Variants in CACNA1G observed in about 807,000 individuals in gnomAD.
The protein encoded by CACNA1G is voltage-dependent T-type calcium channel subunit alpha-1G.
Under a neutral mutation model 219.4 loss-of-function variants are expected in CACNA1G, and 67 were observed. The ratio of observed to expected loss-of-function variants is 0.31; its 90% CI spans 0.25 to 0.37. The LOEUF (loss-of-function observed/expected upper bound fraction) is 0.37, where lower values mean the gene tolerates loss of function less well. Among genes scored for constraint, CACNA1G ranks in the 10% least tolerant of loss-of-function variants. CACNA1G has a pLI of 1.00. For synonymous variants in CACNA1G, 1,296 were observed against 1,345.3 expected (o/e 0.96, Z 0.80); for missense variants, 2,380 against 3,231.4 (o/e 0.74, Z 6.39).
In CACNA1G at chr17:50,600,993, C is replaced by A. The variant is rs1233714256; in HGVS notation, c.3792-58C>A. On this transcript the variant is annotated intron_variant, in intron 18 of 37. Coordinates refer to ENST00000359106, the MANE Select transcript of CACNA1G (RefSeq NM_018896.5). The surrounding 1 kb of genome is among the most constrained non-coding windows in gnomAD (Gnocchi z 4.1). ...GAGGGGCAGGGGCTGCGGGCGGTGCCTCTCGTTGCCACCTGCCCTGCCTCC... is the reference window on the plus strand; with the variant it reads ...GAGGGGCAGGGGCTGCGGGCGGTGCATCTCGTTGCCACCTGCCCTGCCTCC... 3.8e-6 allele frequency: 6 copies of A among 1,599,282 alleles called. No homozygotes were observed. The highest frequency in any genetic ancestry group is 5.1e-6 in the Non-Finnish European group (6 of 1,171,028).
intron 9 of CACNA1G, among the ~76,000 whole-genome samples, chr17:50,580,760 C>A (rs544126379): frequency 1.3e-5 from 2 of 152,152 alleles, no homozygotes; most frequent in Non-Finnish European, 2.9e-5. Context: ...TGCTGAGGGC[C>A]CCATGGGGGT....
intron 7 of CACNA1G, 57 bp downstream of exon 7, chr17:50,573,170 G>A (rs1348186058): frequency 7.8e-7 from 1 of 1,279,048 alleles, no homozygotes; most frequent in South Asian, 1.3e-5. Flanking sequence ...ACCTGTGGGG[G>A]CAGTCCAGAG....
At position 50,624,043 on chromosome 17, in the gene CACNA1G, A is replaced by T; in HGVS notation, c.6197A>T (p.His2066Leu). 1 of 1,612,332 alleles carries T rather than the reference A, an allele frequency of 6.2e-7. No individual in the cohort carries two copies. The highest frequency in any genetic ancestry group is 1.1e-5 in the South Asian group (1 of 91,048). ...HGSTAEGPLG[H>L]RGWGLPKAQS... Reference sequence around the variant, plus strand: ...AGCACTGCCGAGGGGCCCCTGGGACACAGGGGCTGGGGGCTCCCCAAAGCT... The same window carrying T: ...AGCACTGCCGAGGGGCCCCTGGGACTCAGGGGCTGGGGGCTCCCCAAAGCT... Residue 2066 changes from histidine to leucine, a missense_variant, in exon 36 of 38, where the codon CAC becomes CTC. Coordinates refer to ENST00000359106, the MANE Select transcript of CACNA1G (RefSeq NM_018896.5).
In CACNA1G at chr17:50,623,785, G is replaced by C. The variant is rs565595503; in HGVS notation, c.6061-122G>C. ...CTCATGCCCATCTCTACCTTGTCCT[G>C]GGAGGGCACGGGGGTGAGGGCTGGG... On this transcript the variant is annotated intron_variant, in intron 35 of 37. Transcript: ENST00000359106. 7 of 1,005,890 alleles carry C rather than the reference G, an allele frequency of 7.0e-6. No individual in the cohort carries two copies. In the East Asian group the frequency reaches 1.6e-4, roughly 23 times the overall value. 62.3% of individuals were successfully genotyped at this position (1,005,890 alleles called of 1,614,324 possible).
chr17:50,624,494 C>T lies in CACNA1G; in HGVS notation c.6364C>T (p.Arg2122Cys), dbSNP rs1320478495. ...GTIPKLPPPGRSPLAQRPLRR... is the reference protein window; with the variant it reads ...GTIPKLPPPGCSPLAQRPLRR... ...CATCCCCAAACTGCCCCCACCAGGA[C>T]GCTCCCCTTTGGCTCAGAGGCCACT... Residue 2122 changes from arginine (R) to cysteine (C), a missense_variant, in exon 37 of 38, where the codon CGC (arginine) becomes TGC (cysteine). Transcript: ENST00000359106. 7 of 1,599,666 alleles carry T rather than the reference C, an allele frequency of 4.4e-6. No homozygotes were observed. Among genetic ancestry groups the T allele is most frequent in the South Asian group, 1.1e-5 (1 of 88,052 alleles).
rs1162808816 is a variant in CACNA1G, at chr17:50,617,262, C to T, written c.5022-176C>T. Among the ~76,000 whole-genome samples, 3 of 152,198 alleles carry T rather than the reference C, an allele frequency of 2.0e-5. No homozygotes were observed. The highest frequency in any genetic ancestry group is 4.1e-4 in the South Asian group (2 of 4,830). On this transcript the variant is annotated intron_variant, in intron 28 of 37. Coordinates refer to ENST00000359106, the MANE Select transcript of CACNA1G (RefSeq NM_018896.5). This position sits in a 1 kb window ranked among gnomAD's most constrained non-coding sequence, Gnocchi z 5.8. Reference sequence around the variant, plus strand: ...TTTGAGCTAAAGTCCTAGTCCTACTCGTGCCACCAGTTGGCTGTGTGGCCT... The same window carrying T: ...TTTGAGCTAAAGTCCTAGTCCTACTTGTGCCACCAGTTGGCTGTGTGGCCT...
intron 9 of CACNA1G, among the ~76,000 whole-genome samples, chr17:50,581,181 A>G (rs922820642): frequency 1.3e-5 from 2 of 151,844 alleles, no homozygotes; most frequent in African/African-American, 4.8e-5. Flanking sequence ...GGAGACAGAC[A>G]GAGACAAATG....
chr17:50,580,664 GGCTCCCACTAA>G (rs914324699), intron 9 of CACNA1G, among the ~76,000 whole-genome samples: 1 of 152,146 alleles, frequency 6.6e-6, no homozygotes, highest in African/African-American at 2.4e-5. Flanking sequence ...GACAGCCCAG[GGCTCCCACTAA>G]GTCCTCAGCA....
chr17:50,602,680 T>G, intron 19 of CACNA1G, 140 bp from the exon 20 acceptor site: 6 of 695,784 alleles, frequency 8.6e-6, no homozygotes, highest in Non-Finnish European at 1.5e-5. Context: ...GAGAGGGGCG[T>G]GATCTACATT....
chr17:50,606,921 T>C lies in CACNA1G; in HGVS notation c.4444T>C (p.Leu1482=). ...TCAGGCCCTGATGTCCCTGTTCGTT[T>C]TGGCCTCCAAGGATGGTTGGGTGGA... ...LGQALMSLFV[L]ASKDGWVDIM... Residue 1482 remains leucine, a synonymous_variant, in exon 24 of 38, where the codon TTG becomes CTG. Transcript: ENST00000359106. 6.2e-7 allele frequency: 1 copy of C among 1,613,820 alleles called. No homozygotes were observed. The highest frequency in any genetic ancestry group is 8.5e-7 in the Non-Finnish European group (1 of 1,179,756).
intron 26 of CACNA1G, among the ~76,000 whole-genome samples, chr17:50,613,608 C>T (rs1221855253): frequency 6.6e-6 from 1 of 152,218 alleles, no homozygotes; most frequent in African/African-American, 2.4e-5. Flanking sequence ...ATTGTCTCAG[C>T]TAATAATGGG....
chr17:50,611,113 G>C (rs955691185), intron 26 of CACNA1G, among the ~76,000 whole-genome samples: 10 of 152,060 alleles, frequency 6.6e-5, no homozygotes, highest in African/African-American at 2.4e-4. Flanking sequence ...AATTAGCCGG[G>C]CGTGGTGGCA....
At chr17:50,615,305 G>T in intron 26 of CACNA1G, 56 bp from the exon 27 acceptor site, 1 of 1,454,980 alleles carries the variant, frequency 6.9e-7, no homozygotes, top group East Asian at 2.5e-5. Flanking sequence ...TGGGGGTGGA[G>T]GGGTGCGGGG....
chr17:50,605,828 G>A, intron 22 of CACNA1G, 70 bp from the exon 23 acceptor site: 3 of 1,572,344 alleles, frequency 1.9e-6, no homozygotes, highest in South Asian at 1.1e-5. Context: ...GCGTGGGGGT[G>A]GGGCTCAGGA....
At chr17:50,567,390 G>C (rs1291505661) in intron 1 of CACNA1G, among the ~76,000 whole-genome samples, 3 of 152,150 alleles carry the variant, frequency 2.0e-5, no homozygotes, top group Non-Finnish European at 4.4e-5. Flanking sequence ...GGGGAGGGCT[G>C]TCAGGGGTTT....
At chr17:50,593,204 C>T (rs1003663153) in intron 13 of CACNA1G, among the ~76,000 whole-genome samples, 1 of 152,122 alleles carries the variant, frequency 6.6e-6, no homozygotes, top group Non-Finnish European at 1.5e-5. Flanking sequence ...TTTGGGGGTT[C>T]CCTGAGGCCT....
chr17:50,596,616 G>T lies in CACNA1G; in HGVS notation c.3034G>T (p.Gly1012Cys), dbSNP rs755172561. The part of the protein sequence containing the change: ...EPDFFSPSLD[G>C]DGDRKKCLAL... ...CGATTTCTTCTCACCCAGCCTGGAT[G>T]GTGATGGGGACAGGAAGAAGTGCTT... is the stretch of plus-strand genomic sequence containing the variant. The change falls in exon 15 of 38, where the codon GGT becomes TGT. Residue 1012 changes from glycine to cysteine, a missense_variant. Physicochemically the swap from Gly to Cys is radical, Grantham distance 159. Around this residue, in one of 17 missense-constraint regions of CACNA1G, gnomAD observed 418 missense variants for 434.3 expected, o/e 0.96. Transcript: ENST00000359106. The surrounding 1 kb of genome is among the most constrained non-coding windows in gnomAD (Gnocchi z 4.8). 5.6e-6 allele frequency: 9 copies of T among 1,613,856 alleles called. No individual in the cohort carries two copies. The Admixed American group carries it at 1.2e-4, about 21-fold the overall frequency.
chr17:50,598,872 G>A (rs551953738), intron 16 of CACNA1G, among the ~76,000 whole-genome samples: 37 of 152,284 alleles, frequency 2.4e-4, no homozygotes, highest in African/African-American at 8.2e-4. Flanking sequence ...GATTACAGGC[G>A]TGAGCCACCA....
intron 7 of CACNA1G, 94 bp from the exon 8 acceptor site, chr17:50,575,449 C>T (rs182751909): frequency 3.0e-4 from 370 of 1,250,190 alleles, no homozygotes; most frequent in Non-Finnish European, 3.8e-4. Flanking sequence ...CTGAGCGTGG[C>T]GCTTGGCTCA....
Sources: gnomAD v4.1 joint callset for allele counts (sites outside exome capture counted in the v4.1 genomes callset) on GRCh38, gnomAD v4.1.1 for gene constraint, gnomAD v4.1.1 regional missense constraint, Gnocchi (gnomAD v3.1) non-coding constraint, MANE v1.5 for transcripts, NCBI Gene and HGNC (gene_info 2026-07-23, HGNC 2026-07-21) for gene names.